GGACT: variants seen among roughly 807,000 people sequenced by gnomAD.
The protein encoded by GGACT is gamma-glutamylaminecyclotransferase.
For missense variants in GGACT, 241 were observed against 233.2 expected (o/e 1.03, Z -0.22); for synonymous variants, 118 against 115.3 (o/e 1.02, Z -0.15).
intron 2 of GGACT, chr13:100,539,812 G>C: frequency 3.5e-6 from 2 of 574,700 alleles, no homozygotes; most frequent in Non-Finnish European, 5.7e-6. Context: ...ATCTGGTCCT[G>C]GGCTTTTTTT....
intron 2 of GGACT, among the ~76,000 whole-genome samples, chr13:100,543,711 A>G (rs2088576508): frequency 6.6e-6 from 1 of 152,244 alleles, no homozygotes; most frequent in East Asian, 1.9e-4. Context: ...AGAAAAAAGT[A>G]AAATGATTTA....
chr13:100,574,288 C>T (rs181397838), intron 2 of GGACT, among the ~76,000 whole-genome samples: 1 of 152,234 alleles, frequency 6.6e-6, no homozygotes, highest in Admixed American at 6.5e-5. Context: ...GAGCAGAAAA[C>T]CTGGCCGGGC....
intron 2 of GGACT, chr13:100,533,656 T>C (rs2088450140): frequency 6.6e-6 from 1 of 152,174 alleles, no homozygotes; most frequent in African/African-American, 2.4e-5. Context: ...ACCCACACCT[T>C]CTGGTGTTTC....
chr13:100,544,505 T>C (rs2088586886), intron 2 of GGACT, among the ~76,000 whole-genome samples: 2 of 152,324 alleles, frequency 1.3e-5, no homozygotes, highest in African/African-American at 2.4e-5. Flanking sequence ...GAAAAGTCCC[T>C]GGCAAAACAC....
intron 2 of GGACT, among the ~76,000 whole-genome samples, chr13:100,577,450 T>TAAAA (rs1555335035): frequency 1.1e-4 from 17 of 148,604 alleles, no homozygotes; most frequent in Admixed American, 8.1e-4. Flanking sequence ...AATAAATAAA[T>TAAAA]AAAAAGAAAA....
At chr13:100,580,026 G>A (rs1875367991) in intron 2 of GGACT, 1 of 152,134 alleles carries the variant, frequency 6.6e-6, no homozygotes, top group African/African-American at 2.4e-5. Context: ...GAGGAAAGAG[G>A]GGCCTGCTGG....
intron 2 of GGACT, among the ~76,000 whole-genome samples, chr13:100,548,305 T>C (rs1001891339): frequency 2.0e-5 from 3 of 152,380 alleles, no homozygotes; most frequent in South Asian, 4.1e-4. Flanking sequence ...TTTTGTTTTT[T>C]AGAAACATCT....
At chr13:100,584,633 G>C (rs1875512406) in intron 1 of GGACT, among the ~76,000 whole-genome samples, 1 of 152,142 alleles carries the variant, frequency 6.6e-6, no homozygotes, top group South Asian at 2.1e-4. Flanking sequence ...AGTATCGTTA[G>C]ATTGTAACAC....
At chr13:100,538,661 T>A (rs1007005707) in intron 2 of GGACT, 3 of 152,242 alleles carry the variant, frequency 2.0e-5, no homozygotes, top group African/African-American at 7.2e-5. Flanking sequence ...ATGATAAGTT[T>A]TGAAGTCAGG....
intron 2 of GGACT, among the ~76,000 whole-genome samples, chr13:100,550,680 T>A (rs1453100080): frequency 6.6e-6 from 1 of 152,166 alleles, no homozygotes; most frequent in Admixed American, 6.5e-5. Flanking sequence ...GACAGTGGAA[T>A]GCCCCGAGAG....
intron 2 of GGACT, among the ~76,000 whole-genome samples, chr13:100,576,717 C>A (rs532070289): frequency 6.6e-6 from 1 of 152,092 alleles, no homozygotes; most frequent in African/African-American, 2.4e-5. Flanking sequence ...GCACAACATA[C>A]GAAGATGAAC....
At chr13:100,585,554 G>A (rs1875541463) in intron 1 of GGACT, among the ~76,000 whole-genome samples, 1 of 152,050 alleles carries the variant, frequency 6.6e-6, no homozygotes, top group Admixed American at 6.6e-5. Context: ...GATCACTTGA[G>A]TTCAGGAGCT....
chr13:100,578,341 G>A lies in GGACT; in HGVS notation c.-11+5484C>T, dbSNP rs149532806. Among the ~76,000 whole-genome samples the A allele has an allele frequency of 1.1e-4, 17 of 152,282 alleles. No homozygotes were observed. The East Asian group carries it at 2.7e-3, about 24-fold the overall frequency. ...CATCCACTTATGCCACCACTACACC[G>A]CAACCTGAGAGTCCAGAATGTGTCG... On this transcript the variant is annotated intron_variant, in intron 2 of 2. Coordinates refer to ENST00000683975, the MANE Select transcript of GGACT (RefSeq NM_001195087.2).
At chr13:100,566,097 C>A (rs2088808340) in intron 2 of GGACT, among the ~76,000 whole-genome samples, 1 of 152,212 alleles carries the variant, frequency 6.6e-6, no homozygotes, top group African/African-American at 2.4e-5. Flanking sequence ...AGCTCCAGGT[C>A]TCCCCAAGTC....
Position 100,532,048 on chromosome 13 carries a change from G to T in GGACT, c.*82C>A. The stretch of plus-strand genomic sequence containing the variant: ...GATTCATTGGAAAGGGCCCTGTTCG[G>T]CTTCCGCCTTCACCCAGCATGGGCT... On this transcript the variant is annotated 3_prime_UTR_variant, in exon 3 of 3. Transcript: ENST00000683975. 1 of 1,015,284 alleles carries T rather than the reference G, an allele frequency of 9.8e-7. No individual in the cohort carries two copies. The highest frequency in any genetic ancestry group is 1.3e-6 in the Non-Finnish European group (1 of 745,674). 62.9% of individuals were successfully genotyped at this position (1,015,284 alleles called of 1,614,324 possible).
intron 2 of GGACT, among the ~76,000 whole-genome samples, chr13:100,540,580 T>C (rs1410010091): frequency 6.6e-6 from 1 of 152,218 alleles, no homozygotes; most frequent in Non-Finnish European, 1.5e-5. Flanking sequence ...CAACTCTTGG[T>C]TTAACTGATT....
chr13:100,552,407 C>G (rs1445683682), intron 2 of GGACT, among the ~76,000 whole-genome samples: 1 of 152,180 alleles, frequency 6.6e-6, no homozygotes, highest in Non-Finnish European at 1.5e-5. Flanking sequence ...CCCCAACATA[C>G]TCTGTGGTCA....
chr13:100,575,109 C>T (rs1875210438), intron 2 of GGACT, among the ~76,000 whole-genome samples: 1 of 152,156 alleles, frequency 6.6e-6, no homozygotes, highest in South Asian at 2.1e-4. Flanking sequence ...AGGGAGATTC[C>T]AGTCACAAAA....
intron 2 of GGACT, chr13:100,538,487 T>A (rs2088519555): frequency 6.6e-6 from 1 of 152,236 alleles, no homozygotes; most frequent in Non-Finnish European, 1.5e-5. Flanking sequence ...TTTTCAAGTG[T>A]TCAGTTCAGT....
Sources: gnomAD v4.1 joint callset for allele counts (sites outside exome capture counted in the v4.1 genomes callset) on GRCh38, gnomAD v4.1.1 for gene constraint, MANE v1.5 for transcripts, NCBI Gene and HGNC (gene_info 2026-07-23, HGNC 2026-07-21) for gene names.